CERT1: variants seen among roughly 807,000 people sequenced by gnomAD.
CERT1 encodes ceramide transfer protein.
CERT1 carries 31 observed loss-of-function variants against 87.9 expected under a neutral mutation model. The observed-to-expected ratio is 0.35, with a 90% CI of 0.27 to 0.48. CERT1 has a LOEUF of 0.48. Ranked by LOEUF, CERT1 falls within the 20% of genes least tolerant of loss-of-function variation. The probability of loss-of-function intolerance (pLI) is 0.99; values close to 1 mark genes in which losing one functional copy is unlikely to be tolerated. For synonymous variants in CERT1, 289 were observed against 250.9 expected (o/e 1.15, Z -1.44); for missense variants, 487 against 758.0 (o/e 0.64, Z 4.20).
At chr5:75,453,683 G>A (rs1764850009) in intron 3 of CERT1, among the ~76,000 whole-genome samples, 1 of 152,094 alleles carries the variant, frequency 6.6e-6, no homozygotes, top group Non-Finnish European at 1.5e-5. Flanking sequence ...GGAAAAAAAT[G>A]AGATAATATA....
At chr5:75,369,858 A>G (rs1013393728) in intron 17 of CERT1, 5 of 152,238 alleles carry the variant, frequency 3.3e-5, no homozygotes. Flanking sequence ...TATTTGTGCA[A>G]GGCTATTCAA....
chr5:75,423,158 C>T (rs1763458315), intron 5 of CERT1, among the ~76,000 whole-genome samples: 1 of 152,180 alleles, frequency 6.6e-6, no homozygotes, highest in Non-Finnish European at 1.5e-5. Flanking sequence ...AAATCATCTA[C>T]ACAACCTGGT....
chr5:75,481,873 T>C (rs995921850), intron 2 of CERT1, among the ~76,000 whole-genome samples: 1 of 152,160 alleles, frequency 6.6e-6, no homozygotes, highest in African/African-American at 2.4e-5. Context: ...AAAATGCTAA[T>C]TTTGTGGTTA....
At chr5:75,442,268 T>A (rs569866245) in intron 3 of CERT1, among the ~76,000 whole-genome samples, 61 of 152,324 alleles carry the variant, frequency 4.0e-4, no homozygotes, top group African/African-American at 1.4e-3. Flanking sequence ...AAGCATTTCT[T>A]GCAGTGCAGG....
chr5:75,370,176 C>T (rs944057676), intron 17 of CERT1: 6 of 152,194 alleles, frequency 3.9e-5, no homozygotes, highest in Admixed American at 1.3e-4. Flanking sequence ...CAGCATCCCA[C>T]CAGATTAAGT....
intron 16 of CERT1, among the ~76,000 whole-genome samples, chr5:75,380,270 A>T (rs2111986537): frequency 6.6e-6 from 1 of 152,318 alleles, no homozygotes; most frequent in African/African-American, 2.4e-5. Context: ...AGCAACTAAT[A>T]AGGACTAGGG....
Position 75,381,233 on chromosome 5 carries a change from T to C in CERT1, c.1618-32A>G, listed in dbSNP as rs376008922. The C allele has an allele frequency of 3.2e-4, 515 of 1,612,392 alleles. 4 individuals are homozygous for C. The South Asian group carries it at 5.0e-3, about 16-fold the overall frequency. ...AAACAAAAAACAAAGCATCAGTAGA[T>C]ACCCAGTATTTTGTAAACTCTGCTG... On this transcript the variant is annotated intron_variant, in intron 15 of 16. Coordinates refer to ENST00000643780, the MANE Select transcript of CERT1 (RefSeq NM_001379029.1).
chr5:75,373,351 T>C (rs1290086986), downstream of CERT1: 3 of 152,202 alleles, frequency 2.0e-5, no homozygotes, highest in East Asian at 3.8e-4. Context: ...TTCCAGAAAG[T>C]AGTCTATACC....
Position 75,405,880 on chromosome 5 carries a change from G to A in CERT1, c.931-2822C>T, listed in dbSNP as rs920106820. Among the ~76,000 whole-genome samples, 20 of 151,476 alleles carry A rather than the reference G, an allele frequency of 1.3e-4. 1 individual carries two copies. In the East Asian group the frequency reaches 3.7e-3, roughly 28 times the overall value. On this transcript the variant is annotated intron_variant, in intron 8 of 16. Transcript: ENST00000643780. The stretch of plus-strand genomic sequence containing the variant: ...GTACTATCTGCAGTTACTGGGGGGG[G>A]GGGGGGTCTTGTAATGTATCCCCCC...
intron 3 of CERT1, among the ~76,000 whole-genome samples, chr5:75,429,271 G>A (rs1313917560): frequency 6.6e-6 from 1 of 151,204 alleles, no homozygotes; most frequent in Non-Finnish European, 1.5e-5. Context: ...GCACAATCTC[G>A]GCTCACTGCC....
chr5:75,426,629 C>T, intron 3 of CERT1, 151 bp from the exon 4 acceptor site: 3 of 581,358 alleles, frequency 5.2e-6, no homozygotes, highest in Non-Finnish European at 9.3e-6. Flanking sequence ...TAAGCAATGC[C>T]TTTCAATTCC....
chr5:75,501,902 G>A (rs987222795), intron 2 of CERT1, among the ~76,000 whole-genome samples: 1 of 152,124 alleles, frequency 6.6e-6, no homozygotes, highest in Non-Finnish European at 1.5e-5. Flanking sequence ...CATATAGAGA[G>A]ATAGTCTTTG....
intron 8 of CERT1, among the ~76,000 whole-genome samples, chr5:75,405,016 A>AAACAACAAC (rs61610976): frequency 8.6e-5 from 13 of 151,740 alleles, no homozygotes; most frequent in Admixed American, 6.6e-5. Flanking sequence ...ACTCAGTCTC[A>AAACAACAAC]AACAACAACA....
At position 75,411,080 on chromosome 5, in the gene CERT1, T is replaced by C; in HGVS notation, c.861A>G (p.Thr287=). 1 of 1,584,896 alleles carries C rather than the reference T, an allele frequency of 6.3e-7. No homozygotes were observed. The highest frequency in any genetic ancestry group is 8.6e-7 in the Non-Finnish European group (1 of 1,164,542). The change falls in exon 8 of 17, where the codon ACA becomes ACG. Residue 287 remains threonine (T), a synonymous_variant. Coordinates refer to ENST00000643780, the MANE Select transcript of CERT1 (RefSeq NM_001379029.1). ...LDKETEKKRR[T]EEAYKNAMTE... ...TCATTGCATTTTTATATGCTTCCTC[T>C]GTTCTTCTTTTCTTCTCAGTTTCCT...
At chr5:75,455,853 A>G (rs1391127524) in intron 3 of CERT1, among the ~76,000 whole-genome samples, 1 of 152,206 alleles carries the variant, frequency 6.6e-6, no homozygotes, top group African/African-American at 2.4e-5. Context: ...TCTCAGGCAA[A>G]TTACTTAATT....
chr5:75,449,711 T>TC (rs1764701021), intron 3 of CERT1, among the ~76,000 whole-genome samples: 2 of 152,100 alleles, frequency 1.3e-5, no homozygotes. Flanking sequence ...GGTGGTGTTT[T>TC]TTTTTTTAAA....
At chr5:75,409,098 A>AT (rs1244818853) in intron 8 of CERT1, among the ~76,000 whole-genome samples, 1 of 152,074 alleles carries the variant, frequency 6.6e-6, no homozygotes, top group African/African-American at 2.4e-5. Context: ...ATGAATATAC[A>AT]TTTTATTTAT....
rs1162613122 is a variant in CERT1 at position 75,379,090 on chromosome 5, A to G, written c.*256T>C. On this transcript the variant is annotated 3_prime_UTR_variant, in exon 17 of 17. Coordinates refer to ENST00000643780, the MANE Select transcript of CERT1 (RefSeq NM_001379029.1). ...CCCAGCTACTGGGAAGGCTGAGATGAGAGGATTGTTTGAGGCCAGAGGTTG... is the reference window on the plus strand; with the variant it reads ...CCCAGCTACTGGGAAGGCTGAGATGGGAGGATTGTTTGAGGCCAGAGGTTG... 2.9e-6 allele frequency: 1 copy of G among 340,902 alleles called. No homozygotes were observed. Among genetic ancestry groups the G allele is most frequent in the Non-Finnish European group, 5.4e-6 (1 of 186,436 alleles). 21.1% of individuals were successfully genotyped at this position (340,902 alleles called of 1,614,324 possible).
chr5:75,462,774 AC>A (rs1765292482), intron 2 of CERT1, among the ~76,000 whole-genome samples: 1 of 152,030 alleles, frequency 6.6e-6, no homozygotes, highest in Non-Finnish European at 1.5e-5. Context: ...TGGGTGGATC[AC>A]GGGGTCAGGA....
Sources: allele counts gnomAD v4.1 joint callset (sites outside exome capture counted in the v4.1 genomes callset), GRCh38; gene constraint gnomAD v4.1.1; transcripts MANE v1.5; gene names NCBI Gene and HGNC (gene_info 2026-07-23, HGNC 2026-07-21).